Variants in WDPCP observed in about 807,000 individuals in gnomAD.
WDPCP encodes the protein WD repeat-containing and planar cell polarity effector protein fritz homolog.
A neutral mutation model predicts 93.1 loss-of-function variants in WDPCP; 71 were observed. That is an observed-to-expected ratio of 0.76 (90% CI 0.63 to 0.93). The LOEUF (loss-of-function observed/expected upper bound fraction) is 0.93, where lower values mean the gene tolerates loss of function less well. Among genes scored for constraint, WDPCP ranks in the 40% least tolerant of loss-of-function variants. WDPCP has a pLI of 0.00. For synonymous variants in WDPCP, 315 were observed against 315.0 expected (o/e 1.00, Z 0.00); for missense variants, 844 against 887.4 (o/e 0.95, Z 0.62).
chr2:63,683,190 C>G (rs530163423), intron 2 of WDPCP, among the ~76,000 whole-genome samples: 1 of 151,988 alleles, frequency 6.6e-6, no homozygotes, highest in African/African-American at 2.4e-5. Flanking sequence ...GATGAGAAGA[C>G]CACAAAACAA....
rs765176117 is a variant in WDPCP, at chr2:63,313,308, GTACC to G, written c.1749-1_1751del. The stretch of plus-strand genomic sequence containing the variant: ...GGAGAAATGCCTTTTCAAACCTCTG[GTACC>G]TACAAGGCAGAAAAAAATATTATGT... On this transcript the variant is annotated splice_acceptor_variant and coding_sequence_variant, in exon 13 of 18. Transcript: ENST00000272321. LOFTEE classifies it high-confidence loss of function. The G allele has an allele frequency of 6.2e-7, 1 of 1,613,318 alleles. No individual in the cohort carries two copies. Among genetic ancestry groups the G allele is most frequent in the South Asian group, 1.1e-5 (1 of 91,052 alleles).
chr2:63,707,817 C>T (rs1669189988), intron 2 of WDPCP, among the ~76,000 whole-genome samples: 1 of 152,162 alleles, frequency 6.6e-6, no homozygotes, highest in Non-Finnish European at 1.5e-5. Context: ...TGTGGATGTG[C>T]TTTCTGTTTG....
intron 1 of WDPCP, among the ~76,000 whole-genome samples, chr2:63,515,706 C>T (rs895727298): frequency 6.6e-6 from 1 of 152,180 alleles, no homozygotes; most frequent in African/African-American, 2.4e-5. Context: ...GAATGCTTTA[C>T]ATGCATTTTC....
upstream of WDPCP, among the ~76,000 whole-genome samples, chr2:63,592,321 A>C (rs1158766715): frequency 6.6e-6 from 1 of 152,222 alleles, no homozygotes; most frequent in Non-Finnish European, 1.5e-5. Flanking sequence ...AATATATATG[A>C]ATAAAATACC....
chr2:63,444,354 G>A (rs1317943240), intron 6 of WDPCP, among the ~76,000 whole-genome samples: 1 of 152,154 alleles, frequency 6.6e-6, no homozygotes, highest in Non-Finnish European at 1.5e-5. Flanking sequence ...CTATGGGGAA[G>A]CATAGAGTTG....
intron 9 of WDPCP, among the ~76,000 whole-genome samples, chr2:63,428,565 G>A (rs568099227): frequency 6.6e-6 from 1 of 152,170 alleles, no homozygotes; most frequent in Non-Finnish European, 1.5e-5. Context: ...ACTCGGTATC[G>A]AAGGAACATA....
At chr2:63,452,680 T>C (rs1698339586) in intron 6 of WDPCP, among the ~76,000 whole-genome samples, 1 of 152,226 alleles carries the variant, frequency 6.6e-6, no homozygotes, top group Non-Finnish European at 1.5e-5. Context: ...TCACGCTACC[T>C]GACTTCAAAC....
At chr2:63,451,557 C>G (rs1419124790) in intron 6 of WDPCP, among the ~76,000 whole-genome samples, 2 of 152,126 alleles carry the variant, frequency 1.3e-5, no homozygotes, top group Non-Finnish European at 2.9e-5. Context: ...CTATTCCAAT[C>G]AATAGAAAAA....
At chr2:63,349,998 T>A (rs1689466753) in intron 12 of WDPCP, among the ~76,000 whole-genome samples, 1 of 152,304 alleles carries the variant, frequency 6.6e-6, no homozygotes, top group Non-Finnish European at 1.5e-5. Flanking sequence ...CTCCGTATGT[T>A]TACTGCGGCA....
chr2:63,129,438 T>G (rs185458063), intron 17 of WDPCP, among the ~76,000 whole-genome samples: 1 of 152,232 alleles, frequency 6.6e-6, no homozygotes, highest in Non-Finnish European at 1.5e-5. Context: ...TTATCAACAC[T>G]TTTTGCTTTC....
At chr2:63,353,164 T>A (rs949151195) in intron 12 of WDPCP, among the ~76,000 whole-genome samples, 1 of 151,990 alleles carries the variant, frequency 6.6e-6, no homozygotes, top group African/African-American at 2.4e-5. Context: ...GGTCAAGAGA[T>A]CTCTATGTGA....
chr2:63,509,726 C>A (rs1355994338), intron 1 of WDPCP, among the ~76,000 whole-genome samples: 2 of 151,776 alleles, frequency 1.3e-5, no homozygotes, highest in African/African-American at 4.8e-5. Context: ...CAAATAGACA[C>A]AATAAAAAAA....
intron 2 of WDPCP, among the ~76,000 whole-genome samples, chr2:63,771,237 G>A (rs1250537567): frequency 2.0e-5 from 3 of 150,998 alleles, no homozygotes; most frequent in African/African-American, 7.3e-5. Context: ...AAAGTCAATG[G>A]ACATTAAAAA....
chr2:63,820,339 C>A (rs1670999505), intron 1 of WDPCP, among the ~76,000 whole-genome samples: 1 of 151,888 alleles, frequency 6.6e-6, no homozygotes, highest in Non-Finnish European at 1.5e-5. Flanking sequence ...TAAAACAGAC[C>A]AGATTAGTAA....
chr2:63,575,479 G>GTATATACAGCGTATGCAC (rs1558833112), intron 1 of WDPCP, among the ~76,000 whole-genome samples: 1 of 2,526 alleles, frequency 4.0e-4, no homozygotes, highest in African/African-American at 1.2e-3. Flanking sequence ...AGTATATACA[G>GTATATACAGCGTATGCAC]TGTATATATA....
intron 2 of WDPCP, among the ~76,000 whole-genome samples, chr2:63,751,279 G>A (rs932639435): frequency 6.6e-6 from 1 of 151,812 alleles, no homozygotes; most frequent in Admixed American, 6.6e-5. Context: ...TCCTTTTCAT[G>A]CCTGTAGAGT....
intron 14 of WDPCP, among the ~76,000 whole-genome samples, chr2:63,214,130 G>T (rs960553562): frequency 1.7e-4 from 26 of 152,144 alleles, no homozygotes; most frequent in African/African-American, 6.3e-4. Context: ...TGTGAGGCCA[G>T]CATCATCCTG....
chr2:63,594,584 C>T, intron 3 of WDPCP: 1 of 1,590,760 alleles, frequency 6.3e-7, no homozygotes, highest in Non-Finnish European at 8.6e-7. Flanking sequence ...TGGTAAAGAT[C>T]AGGTAGGAAC....
At chr2:63,580,906 G>A (rs576982112) in intron 1 of WDPCP, among the ~76,000 whole-genome samples, 55 of 152,222 alleles carry the variant, frequency 3.6e-4, no homozygotes, top group African/African-American at 1.2e-3. Flanking sequence ...AGTTACTCTC[G>A]AATGATTCAG....
Sources: allele counts gnomAD v4.1 joint callset (sites outside exome capture counted in the v4.1 genomes callset), GRCh38; gene constraint gnomAD v4.1.1; transcripts MANE v1.5; gene names NCBI Gene and HGNC (gene_info 2026-07-23, HGNC 2026-07-21).